EEIG2: variants seen among roughly 807,000 people sequenced by gnomAD.
EEIG2 encodes the protein family with sequence similarity 102 member B.
chr1:108,627,043 C>T, the EEIG2 span: 2 of 152,158 alleles, frequency 1.3e-5, no homozygotes, highest in Middle Eastern at 6.3e-3. Context: ...TTTTGTACTT[C>T]CTATACCTTG....
the EEIG2 span, among the ~76,000 whole-genome samples, chr1:108,610,488 A>C: frequency 6.6e-6 from 1 of 152,174 alleles, no homozygotes; most frequent in African/African-American, 2.4e-5. Context: ...GCGATGTTGG[A>C]GGGTCAACGA....
the EEIG2 span, among the ~76,000 whole-genome samples, chr1:108,621,296 T>C: frequency 1.3e-5 from 2 of 152,188 alleles, no homozygotes; most frequent in African/African-American, 4.8e-5. Context: ...CACTCAGTGA[T>C]TATTTATTCA....
the EEIG2 span, among the ~76,000 whole-genome samples, chr1:108,620,622 G>A: frequency 1.8e-3 from 280 of 152,288 alleles, no homozygotes; most frequent in Middle Eastern, 0.01. Context: ...CCAAAAGGAA[G>A]GAAATTATCA....
chr1:108,622,560 GCAATGA>G, the EEIG2 span, among the ~76,000 whole-genome samples: 1 of 152,226 alleles, frequency 6.6e-6, no homozygotes, highest in Non-Finnish European at 1.5e-5. Context: ...TTTGTGGATT[GCAATGA>G]CATTTACAGA....
At chr1:108,581,791 G>T in the EEIG2 span, among the ~76,000 whole-genome samples, 1 of 152,286 alleles carries the variant, frequency 6.6e-6, no homozygotes, top group Admixed American at 6.5e-5. Flanking sequence ...TGTGAAAATT[G>T]TTAAACTCAC....
the EEIG2 span, chr1:108,637,975 A>G: frequency 1.3e-5 from 2 of 152,670 alleles, no homozygotes; most frequent in African/African-American, 4.8e-5. Flanking sequence ...ATGATCTTGA[A>G]AAAGTCTTGA....
chr1:108,568,598 T>G, the EEIG2 span, among the ~76,000 whole-genome samples: 1 of 152,192 alleles, frequency 6.6e-6, no homozygotes, highest in Non-Finnish European at 1.5e-5. Context: ...AGAATGGATG[T>G]CAGGTGCTAT....
At chr1:108,600,479 T>C in the EEIG2 span, 2 of 1,459,162 alleles carry the variant, frequency 1.4e-6, no homozygotes, top group Admixed American at 1.9e-5. Context: ...TACTTTTGCA[T>C]GTTAGACTTG....
chr1:108,591,345 TA>T, the EEIG2 span, among the ~76,000 whole-genome samples: 4 of 152,208 alleles, frequency 2.6e-5, no homozygotes, highest in Non-Finnish European at 5.9e-5. Context: ...AAAATCTGAG[TA>T]ATTGCCTTAG....
the EEIG2 span, among the ~76,000 whole-genome samples, chr1:108,632,967 T>C: frequency 6.7e-6 from 1 of 148,840 alleles, no homozygotes; most frequent in Non-Finnish European, 1.5e-5. Flanking sequence ...TTTTTTTTTA[T>C]AGAGACAGAG....
chr1:108,593,419 A>G, the EEIG2 span, among the ~76,000 whole-genome samples: 2 of 152,190 alleles, frequency 1.3e-5, no homozygotes, highest in South Asian at 2.1e-4. Flanking sequence ...AGTTATACCC[A>G]ATAACCTCCA....
At chr1:108,632,290 T>C in the EEIG2 span, among the ~76,000 whole-genome samples, 1 of 152,074 alleles carries the variant, frequency 6.6e-6, no homozygotes, top group Admixed American at 6.6e-5. Flanking sequence ...CAGGTTCTTC[T>C]GAGGAGAGGG....
At chr1:108,583,073 T>G in the EEIG2 span, among the ~76,000 whole-genome samples, 1 of 152,172 alleles carries the variant, frequency 6.6e-6, no homozygotes, top group Non-Finnish European at 1.5e-5. Flanking sequence ...GCTAATATCT[T>G]AAAATATAGC....
chr1:108,600,290 ATGTGTT>A, the EEIG2 span, among the ~76,000 whole-genome samples: 3 of 152,214 alleles, frequency 2.0e-5, no homozygotes, highest in Non-Finnish European at 2.9e-5. Context: ...AATGTACATT[ATGTGTT>A]GAATGAATGA....
the EEIG2 span, chr1:108,560,395 C>G: frequency 2.0e-5 from 30 of 1,534,988 alleles, no homozygotes; most frequent in Non-Finnish European, 2.4e-5. Flanking sequence ...GGCGCCCGGC[C>G]GTGCGCCCAG....
chr1:108,599,865 G>A, the EEIG2 span, among the ~76,000 whole-genome samples: 267 of 152,292 alleles, frequency 1.8e-3, 1 homozygote, highest in African/African-American at 5.9e-3. Context: ...GGTGGCAGGT[G>A]CCTGTAATCC....
At chr1:108,593,895 T>TC in the EEIG2 span, among the ~76,000 whole-genome samples, 1 of 152,108 alleles carries the variant, frequency 6.6e-6, no homozygotes, top group African/African-American at 2.4e-5. Context: ...AGCCTCAACC[T>TC]CCTGGGCTCA....
At chr1:108,624,608 T>C in the EEIG2 span, 1 of 1,581,744 alleles carries the variant, frequency 6.3e-7, no homozygotes, top group Non-Finnish European at 8.7e-7. Context: ...ACTTTGAGGC[T>C]CCCCCACAAC....
the EEIG2 span, among the ~76,000 whole-genome samples, chr1:108,566,725 G>T: frequency 6.6e-6 from 1 of 151,972 alleles, no homozygotes; most frequent in African/African-American, 2.4e-5. Flanking sequence ...CCTGTCATTT[G>T]TGACAACATG....
Sources: allele counts gnomAD v4.1 joint callset (sites outside exome capture counted in the v4.1 genomes callset), GRCh38; gene constraint gnomAD v4.1.1; transcripts MANE v1.5; gene names NCBI Gene and HGNC (gene_info 2026-07-23, HGNC 2026-07-21).